HMBOX1: variants seen among roughly 807,000 people sequenced by gnomAD.
The protein encoded by HMBOX1 is homeobox-containing protein 1.
HMBOX1 carries 14 observed loss-of-function variants against 54.5 expected under a neutral mutation model. That is an observed-to-expected ratio of 0.26 (90% confidence interval 0.17 to 0.40). HMBOX1 has a LOEUF of 0.40. Ranked by LOEUF, HMBOX1 falls within the 10% of genes least tolerant of loss-of-function variation. HMBOX1 has a pLI of 1.00. For synonymous variants in HMBOX1, 160 were observed against 181.0 expected (o/e 0.88, Z 0.93); for missense variants, 332 against 514.4 (o/e 0.65, Z 3.43).
At chr8:28,913,683 T>C (rs1815928851) in intron 1 of HMBOX1, among the ~76,000 whole-genome samples, 1 of 152,110 alleles carries the variant, frequency 6.6e-6, no homozygotes, top group South Asian at 2.1e-4. Context: ...CCCAGCACAG[T>C]TCTTGACTCA....
At chr8:29,035,160 A>G (rs1803649084) in intron 6 of HMBOX1, among the ~76,000 whole-genome samples, 3 of 152,270 alleles carry the variant, frequency 2.0e-5, no homozygotes, top group Admixed American at 2.0e-4. Context: ...TGGGAGGACC[A>G]GTTCTCATTT....
intron 1 of HMBOX1, among the ~76,000 whole-genome samples, chr8:28,959,579 T>C (rs1825100650): frequency 6.6e-6 from 1 of 152,236 alleles, no homozygotes. Context: ...CTCTATAGTC[T>C]AATGTGAGTT....
chr8:28,982,908 G>A (rs930664669), intron 4 of HMBOX1, among the ~76,000 whole-genome samples: 7 of 152,124 alleles, frequency 4.6e-5, no homozygotes, highest in African/African-American at 1.7e-4. Flanking sequence ...ACAGGCATGA[G>A]CCACTGTGCC....
chr8:29,024,698 A>G (rs1801747987), intron 6 of HMBOX1, among the ~76,000 whole-genome samples: 1 of 152,214 alleles, frequency 6.6e-6, no homozygotes, highest in Non-Finnish European at 1.5e-5. Flanking sequence ...AATTATTTTT[A>G]TTTAATCTTC....
chr8:28,980,304 G>A, intron 4 of HMBOX1, 148 bp downstream of exon 4: 1 of 667,204 alleles, frequency 1.5e-6, no homozygotes, highest in Admixed American at 2.4e-5. Flanking sequence ...AAAACCCATT[G>A]TCTCCAATAT....
intron 1 of HMBOX1, among the ~76,000 whole-genome samples, chr8:28,948,330 G>T (rs1003512713): frequency 1.3e-5 from 2 of 152,106 alleles, no homozygotes; most frequent in African/African-American, 2.4e-5. Flanking sequence ...CATGCAACAG[G>T]TGCTTAGTAA....
At chr8:28,991,371 C>T (rs566576632) in intron 4 of HMBOX1, among the ~76,000 whole-genome samples, 9 of 152,180 alleles carry the variant, frequency 5.9e-5, no homozygotes, top group Non-Finnish European at 1.0e-4. Context: ...TAGCCCTTTC[C>T]TTATGTCCTT....
intron 4 of HMBOX1, among the ~76,000 whole-genome samples, chr8:29,002,976 A>G (rs117996774): frequency 2.7e-3 from 413 of 152,290 alleles, no homozygotes; most frequent in Non-Finnish European, 4.2e-3. Flanking sequence ...TATGCTTACA[A>G]AAAGAAAGTC....
At chr8:29,003,975 G>A (rs1833060251) in intron 4 of HMBOX1, among the ~76,000 whole-genome samples, 1 of 152,120 alleles carries the variant, frequency 6.6e-6, no homozygotes, top group African/African-American at 2.4e-5. Flanking sequence ...AAGAGACTGA[G>A]ATTCCAAACT....
At chr8:29,000,824 A>G (rs1832526866) in intron 4 of HMBOX1, among the ~76,000 whole-genome samples, 1 of 152,246 alleles carries the variant, frequency 6.6e-6, no homozygotes, top group Non-Finnish European at 1.5e-5. Flanking sequence ...GTCTGCTATA[A>G]TGATAGTGTG....
intron 2 of HMBOX1, among the ~76,000 whole-genome samples, chr8:28,967,931 G>A (rs985257435): frequency 6.6e-6 from 1 of 152,220 alleles, no homozygotes; most frequent in African/African-American, 2.4e-5. Flanking sequence ...TCCACAGAAT[G>A]TGTGTGTTTG....
intron 1 of HMBOX1, among the ~76,000 whole-genome samples, chr8:28,940,457 G>A (rs1176064872): frequency 6.6e-6 from 1 of 152,150 alleles, no homozygotes; most frequent in African/African-American, 2.4e-5. Flanking sequence ...TATCCCAAGT[G>A]CAACTTTGCA....
At chr8:28,911,149 T>A (rs2131665025) in intron 1 of HMBOX1, among the ~76,000 whole-genome samples, 1 of 152,306 alleles carries the variant, frequency 6.6e-6, no homozygotes, top group South Asian at 2.1e-4. Flanking sequence ...AAAAACTGAT[T>A]TTGGCCTATT....
intron 2 of HMBOX1, among the ~76,000 whole-genome samples, chr8:28,966,649 AT>A (rs1327351758): frequency 1.3e-5 from 2 of 152,188 alleles, no homozygotes; most frequent in Non-Finnish European, 2.9e-5. Context: ...CTTTGTTTAT[AT>A]TAATACACAT....
intron 9 of HMBOX1, chr8:29,049,686 A>C (rs1002368504): frequency 3.4e-6 from 1 of 290,326 alleles, no homozygotes; most frequent in African/African-American, 2.1e-5. Flanking sequence ...GCGTGGAGTA[A>C]TTCAGTAACT....
chr8:28,978,022 A>T (rs1032469103), intron 3 of HMBOX1, among the ~76,000 whole-genome samples: 1 of 152,164 alleles, frequency 6.6e-6, no homozygotes, highest in Non-Finnish European at 1.5e-5. Flanking sequence ...ACCAGAATCT[A>T]GATCAGTATG....
At chr8:28,927,315 C>T (rs918504081) in intron 1 of HMBOX1, among the ~76,000 whole-genome samples, 2 of 152,108 alleles carry the variant, frequency 1.3e-5, no homozygotes, top group African/African-American at 4.8e-5. Context: ...AAATAGTAAA[C>T]TTATCACTTT....
chr8:28,901,600 C>G (rs374326232), intron 1 of HMBOX1, among the ~76,000 whole-genome samples: 1 of 152,186 alleles, frequency 6.6e-6, no homozygotes, highest in Non-Finnish European at 1.5e-5. Flanking sequence ...CCTGCCACTT[C>G]CCTACTCTAT....
chr8:28,909,366 A>C (rs1814971778), intron 1 of HMBOX1, among the ~76,000 whole-genome samples: 1 of 152,194 alleles, frequency 6.6e-6, no homozygotes, highest in South Asian at 2.1e-4. Flanking sequence ...AAGTGGAAAA[A>C]ATAGCCAAAG....
Sources: allele counts gnomAD v4.1 joint callset (sites outside exome capture counted in the v4.1 genomes callset), GRCh38; gene constraint gnomAD v4.1.1; transcripts MANE v1.5; gene names NCBI Gene and HGNC (gene_info 2026-07-23, HGNC 2026-07-21).